Variants in ATP8B4 observed in about 807,000 individuals in gnomAD.
ATP8B4 encodes the protein probable phospholipid-transporting ATPase IM.
In ATP8B4, 133 loss-of-function variants were observed where a neutral mutation model predicts 145.6. The ratio of observed to expected loss-of-function variants is 0.91; its 90% CI spans 0.79 to 1.05. The LOEUF is 1.05. ATP8B4 is among the 50% of genes least tolerant of loss of function. The probability of loss-of-function intolerance (pLI) is 0.00; values close to 1 mark genes in which losing one functional copy is unlikely to be tolerated. For missense variants in ATP8B4, 1,458 were observed against 1,425.2 expected (o/e 1.02, Z -0.37); for synonymous variants, 507 against 492.9 (o/e 1.03, Z -0.38).
chr15:49,908,072 G>A (rs927940474), intron 20 of ATP8B4: 1 of 456,022 alleles, frequency 2.2e-6, no homozygotes, highest in South Asian at 1.5e-5. Flanking sequence ...TTCCTCATAT[G>A]TCCAACAGGG....
rs78457421 is a variant in ATP8B4, at chr15:49,956,375, A to G, written c.1287+5602T>C. ...AATAAATTTTGAACACAGTTGCATT[A>G]TAAGTTTTTATATTTTAAAATATTT... On this transcript the variant is annotated intron_variant, in intron 14 of 27. Transcript: ENST00000284509. 6.5e-3 allele frequency among the ~76,000 whole-genome samples: 984 copies of G among 152,212 alleles called. 14 individuals are homozygous for G. The highest frequency in any genetic ancestry group is 0.023 in the African/African-American group (944 of 41,568).
At chr15:50,041,874 A>C (rs1428322905) in intron 5 of ATP8B4, among the ~76,000 whole-genome samples, 1 of 152,210 alleles carries the variant, frequency 6.6e-6, no homozygotes, top group Non-Finnish European at 1.5e-5. Context: ...CGGGAGGCGG[A>C]GGTTGCAGTG....
intron 12 of ATP8B4, among the ~76,000 whole-genome samples, chr15:49,975,593 G>C (rs1231193142): frequency 1.3e-5 from 2 of 152,034 alleles, no homozygotes; most frequent in East Asian, 3.8e-4. Flanking sequence ...AGAGTCCATA[G>C]ATACAAAACC....
intron 1 of ATP8B4, among the ~76,000 whole-genome samples, chr15:50,171,973 G>A (rs1490072256): frequency 1.3e-5 from 2 of 152,074 alleles, no homozygotes; most frequent in Admixed American, 1.3e-4. Flanking sequence ...TAGAAGAGAT[G>A]GATACATTCC....
intron 16 of ATP8B4, among the ~76,000 whole-genome samples, chr15:49,928,678 A>T (rs61380049): frequency 6.6e-6 from 1 of 152,050 alleles, no homozygotes; most frequent in African/African-American, 2.4e-5. Context: ...GTGACAAGAA[A>T]CTTAACTAAG....
chr15:49,869,760 CA>C, intron 25 of ATP8B4, among the ~76,000 whole-genome samples: 1 of 152,160 alleles, frequency 6.6e-6, no homozygotes, highest in East Asian at 1.9e-4. Flanking sequence ...TGATGACAAC[CA>C]AGCTGTAAGG....
intron 7 of ATP8B4, among the ~76,000 whole-genome samples, chr15:50,006,024 C>T (rs1421018695): frequency 1.3e-5 from 2 of 151,920 alleles, no homozygotes; most frequent in Admixed American, 6.6e-5. Flanking sequence ...AACCAAATAC[C>T]TCATGCATTG....
At chr15:50,155,648 A>G (rs903580827) in intron 1 of ATP8B4, among the ~76,000 whole-genome samples, 1 of 152,146 alleles carries the variant, frequency 6.6e-6, no homozygotes, top group Non-Finnish European at 1.5e-5. Flanking sequence ...GTTCTACATA[A>G]CTATGTCACG....
At chr15:49,971,942 A>G (rs969896282) in intron 13 of ATP8B4, among the ~76,000 whole-genome samples, 2 of 152,238 alleles carry the variant, frequency 1.3e-5, no homozygotes, top group African/African-American at 4.8e-5. Flanking sequence ...TATTGCAGCC[A>G]TAAAAAAGGA....
intron 1 of ATP8B4, among the ~76,000 whole-genome samples, chr15:50,128,640 A>G (rs560635714): frequency 2.6e-5 from 4 of 151,294 alleles, no homozygotes; most frequent in African/African-American, 4.9e-5. Flanking sequence ...TAAATAATCA[A>G]AAGCTTATTT....
At chr15:50,066,754 G>C (rs1397905336) in intron 3 of ATP8B4, among the ~76,000 whole-genome samples, 2 of 152,056 alleles carry the variant, frequency 1.3e-5, no homozygotes, top group African/African-American at 4.8e-5. Flanking sequence ...GCTATTAATT[G>C]AATTAGCTCT....
At chr15:50,050,279 T>C (rs1454918753) in intron 3 of ATP8B4, among the ~76,000 whole-genome samples, 2 of 152,244 alleles carry the variant, frequency 1.3e-5, no homozygotes, top group Non-Finnish European at 2.9e-5. Flanking sequence ...TGATGTCCTG[T>C]GTTCTGAACT....
intron 14 of ATP8B4, among the ~76,000 whole-genome samples, chr15:49,951,670 T>C (rs886454653): frequency 2.6e-5 from 4 of 152,202 alleles, no homozygotes; most frequent in East Asian, 3.9e-4. Context: ...TGCCTTTTCA[T>C]TGGGGCATTT....
At chr15:50,150,537 G>C (rs1425850486) in intron 1 of ATP8B4, among the ~76,000 whole-genome samples, 2 of 152,210 alleles carry the variant, frequency 1.3e-5, no homozygotes, top group South Asian at 2.1e-4. Context: ...CCCACATTTG[G>C]AAGGAATGAT....
intron 8 of ATP8B4, among the ~76,000 whole-genome samples, chr15:50,000,403 G>A (rs1344058959): frequency 6.6e-6 from 1 of 151,988 alleles, no homozygotes; most frequent in Non-Finnish European, 1.5e-5. Flanking sequence ...TAGGTCTGTA[G>A]TGAGATCTTA....
chr15:49,927,233 C>G (rs1319078567), intron 16 of ATP8B4, among the ~76,000 whole-genome samples: 1 of 152,006 alleles, frequency 6.6e-6, no homozygotes, highest in Non-Finnish European at 1.5e-5. Context: ...AGGGCTCTTT[C>G]TTCAGAATGA....
Position 49,859,919 on chromosome 15 carries a change from G to T in ATP8B4, c.*275C>A. On this transcript the variant is annotated 3_prime_UTR_variant, in exon 28 of 28. Transcript: ENST00000284509. ...AAGATTCTAAAGTTCAGGTCAATTGGTATCTAGGTTGATTTAAAAAAAAAA... is the reference window on the plus strand; with the variant it reads ...AAGATTCTAAAGTTCAGGTCAATTGTTATCTAGGTTGATTTAAAAAAAAAA... 2.6e-6 allele frequency: 1 copy of T among 391,726 alleles called. No homozygotes were observed. The highest frequency in any genetic ancestry group is 4.5e-6 in the Non-Finnish European group (1 of 222,504). The allele number at this position is 391,726 out of a possible 1,614,324, so 24.3% of individuals were successfully genotyped here. A position where few individuals can be genotyped will look rare whatever the true frequency, so the allele number is the denominator to read the frequency against.
chr15:49,952,831 T>C (rs1283956299), intron 14 of ATP8B4, among the ~76,000 whole-genome samples: 1 of 152,208 alleles, frequency 6.6e-6, no homozygotes, highest in South Asian at 2.1e-4. Flanking sequence ...CTCATCTTCA[T>C]GAGTTTGTCT....
intron 6 of ATP8B4, among the ~76,000 whole-genome samples, chr15:50,028,623 T>C (rs982810896): frequency 2.6e-5 from 4 of 152,222 alleles, no homozygotes; most frequent in African/African-American, 9.6e-5. Context: ...AAACCTATCC[T>C]GTACCATATA....
Sources: gnomAD v4.1 joint callset for allele counts (sites outside exome capture counted in the v4.1 genomes callset) on GRCh38, gnomAD v4.1.1 for gene constraint, MANE v1.5 for transcripts, NCBI Gene and HGNC (gene_info 2026-07-23, HGNC 2026-07-21) for gene names.